Variants in ACSS3 observed in about 807,000 individuals in gnomAD.
The protein encoded by ACSS3 is acyl-CoA synthetase short-chain family member 3, mitochondrial.
Under a neutral mutation model 84.2 loss-of-function variants are expected in ACSS3, and 64 were observed. The observed-to-expected ratio is 0.76, with a 90% CI of 0.62 to 0.94. The LOEUF (loss-of-function observed/expected upper bound fraction) is 0.94. Among genes scored for constraint, ACSS3 ranks in the 40% least tolerant of loss-of-function variants. The pLI, the probability that ACSS3 is intolerant of heterozygous loss-of-function variation, is 0.00. For missense variants in ACSS3, 815 were observed against 867.6 expected, an observed-to-expected ratio of 0.94 and a Z score of 0.76; for synonymous variants, 317 against 310.1, an observed-to-expected ratio of 1.02 and a Z score of -0.23.
intron 9 of ACSS3, among the ~76,000 whole-genome samples, chr12:81,215,710 A>G (rs1050208553): frequency 6.6e-6 from 1 of 152,206 alleles, no homozygotes; most frequent in African/African-American, 2.4e-5. Context: ...TTCACTAACC[A>G]AATACTATTT....
chr12:81,223,519 G>A (rs2033178054), intron 11 of ACSS3, among the ~76,000 whole-genome samples: 1 of 151,970 alleles, frequency 6.6e-6, no homozygotes, highest in African/African-American at 2.4e-5. Context: ...ACAGTTTTGA[G>A]TGTGATATTT....
chr12:81,241,192 T>C (rs929423995), intron 13 of ACSS3, among the ~76,000 whole-genome samples: 1 of 152,064 alleles, frequency 6.6e-6, no homozygotes, highest in Admixed American at 6.6e-5. Context: ...TGCATAGTAT[T>C]CCATGGTATA....
intron 8 of ACSS3, among the ~76,000 whole-genome samples, chr12:81,182,825 A>G (rs573496183): frequency 2.6e-5 from 4 of 152,274 alleles, no homozygotes; most frequent in Admixed American, 2.0e-4. Flanking sequence ...GTGAACCTCC[A>G]TTCTCTTTCC....
chr12:81,093,968 A>G (rs1221266875), intron 1 of ACSS3, among the ~76,000 whole-genome samples: 1 of 152,098 alleles, frequency 6.6e-6, no homozygotes, highest in African/African-American at 2.4e-5. Context: ...ACTTGTAAGA[A>G]GTGTTTTTTC....
chr12:81,202,096 G>A (rs772925975), intron 9 of ACSS3, among the ~76,000 whole-genome samples: 25 of 151,978 alleles, frequency 1.6e-4, no homozygotes, highest in Non-Finnish European at 3.7e-4. Flanking sequence ...TGACCAACAT[G>A]GTGAAACCTG....
intron 8 of ACSS3, among the ~76,000 whole-genome samples, chr12:81,188,877 C>T (rs1354682080): frequency 6.6e-6 from 1 of 152,080 alleles, no homozygotes; most frequent in African/African-American, 2.4e-5. Flanking sequence ...AGGACTAAAC[C>T]TAGCTAATTA....
At chr12:81,090,850 A>G (rs1225483262) in intron 1 of ACSS3, among the ~76,000 whole-genome samples, 1 of 152,016 alleles carries the variant, frequency 6.6e-6, no homozygotes, top group African/African-American at 2.4e-5. Context: ...TGGTTCCAGA[A>G]CACCACCCAC....
At chr12:81,213,884 CCTTT>C (rs151145054) in intron 9 of ACSS3, among the ~76,000 whole-genome samples, 9 of 79,702 alleles carry the variant, frequency 1.1e-4, no homozygotes, top group Admixed American at 8.3e-4. Context: ...TTCTTTCTTT[CCTTT>C]CTTTCTTTCT....
At chr12:81,113,748 A>G (rs2121516196) in intron 2 of ACSS3, among the ~76,000 whole-genome samples, 1 of 152,254 alleles carries the variant, frequency 6.6e-6, no homozygotes, top group East Asian at 1.9e-4. Flanking sequence ...AGTAAATTCC[A>G]TTTCTATCTG....
chr12:81,187,438 A>G (rs954175023), intron 8 of ACSS3, among the ~76,000 whole-genome samples: 1 of 151,906 alleles, frequency 6.6e-6, no homozygotes, highest in African/African-American at 2.4e-5. Flanking sequence ...TGTCTTATCT[A>G]CTGCACAAAT....
intron 8 of ACSS3, among the ~76,000 whole-genome samples, chr12:81,195,367 C>T (rs12816162): frequency 0.018 from 2,704 of 151,810 alleles, 40 homozygotes; most frequent in Admixed American, 0.021. Context: ...ATAGGTATAT[C>T]AACCTCATTT....
At chr12:81,161,599 G>A (rs1231360722) in intron 7 of ACSS3, among the ~76,000 whole-genome samples, 1 of 152,176 alleles carries the variant, frequency 6.6e-6, no homozygotes, top group Admixed American at 6.5e-5. Flanking sequence ...GGAGAGTTTA[G>A]ATAACCCTAA....
At chr12:81,147,332 T>G (rs1886388609) in intron 5 of ACSS3, among the ~76,000 whole-genome samples, 3 of 152,230 alleles carry the variant, frequency 2.0e-5, no homozygotes, top group African/African-American at 4.8e-5. Flanking sequence ...AATAATTGCA[T>G]TGTTCACACG....
chr12:81,132,743 A>G (rs1414488047), intron 2 of ACSS3, among the ~76,000 whole-genome samples: 1 of 152,108 alleles, frequency 6.6e-6, no homozygotes, highest in Non-Finnish European at 1.5e-5. Context: ...AAGTTACTGA[A>G]TTATTGGTAG....
chr12:81,252,254 T>G (rs912391758), intron 13 of ACSS3, among the ~76,000 whole-genome samples: 5 of 152,146 alleles, frequency 3.3e-5, no homozygotes, highest in Admixed American at 6.6e-5. Flanking sequence ...CCCAGAGCCC[T>G]TATCACTTTT....
intron 1 of ACSS3, among the ~76,000 whole-genome samples, chr12:81,085,071 G>C (rs756414818): frequency 2.0e-5 from 3 of 152,168 alleles, no homozygotes; most frequent in African/African-American, 7.2e-5. Flanking sequence ...AGAAATCTAT[G>C]TTTAAATGCA....
intron 9 of ACSS3, among the ~76,000 whole-genome samples, chr12:81,215,047 C>T (rs1304302677): frequency 6.6e-6 from 1 of 152,170 alleles, no homozygotes; most frequent in Non-Finnish European, 1.5e-5. Context: ...CTGCTCTGGT[C>T]TCTCATATCC....
chr12:81,130,382 A>G (rs1034094551), intron 2 of ACSS3, among the ~76,000 whole-genome samples: 3 of 152,252 alleles, frequency 2.0e-5, no homozygotes, highest in African/African-American at 4.8e-5. Flanking sequence ...ACCAGTGATG[A>G]TGAGCATTTT....
chr12:81,216,230 G>A (rs185743039), intron 9 of ACSS3, among the ~76,000 whole-genome samples: 18 of 149,452 alleles, frequency 1.2e-4, no homozygotes, highest in African/African-American at 4.5e-4. Flanking sequence ...GGGTACGTGT[G>A]CACAACATGA....
Sources: allele counts gnomAD v4.1 joint callset (sites outside exome capture counted in the v4.1 genomes callset), GRCh38; gene constraint gnomAD v4.1.1; transcripts MANE v1.5; gene names NCBI Gene and HGNC (gene_info 2026-07-23, HGNC 2026-07-21).